Variants in FAM32A observed in about 807,000 individuals in gnomAD.
The protein encoded by FAM32A is family with sequence similarity 32 member A, also known as protein FAM32A.
In FAM32A, 9 loss-of-function variants were observed where a neutral mutation model predicts 15.8. The ratio of observed to expected loss-of-function variants is 0.57; its 90% CI spans 0.34 to 1.00. The LOEUF is 1.00. Among genes scored for constraint, FAM32A ranks in the 50% least tolerant of loss-of-function variants. The probability of loss-of-function intolerance (pLI) is 0.02; values close to 1 mark genes in which losing one functional copy is unlikely to be tolerated. For missense variants in FAM32A, 113 were observed against 138.3 expected (o/e 0.82, Z 0.92); for synonymous variants, 64 against 54.9 (o/e 1.16, Z -0.73).
chr19:16,189,668 C>CTTTTTTTTTTTTTTTTTTTTT lies in FAM32A; in HGVS notation c.217-846_217-826dup, dbSNP rs71178652. On this transcript the variant is annotated intron_variant, in intron 2 of 3. Transcript: ENST00000263384. Reference sequence around the variant, plus strand: ...TGGCTTTATATCCCACACTCCAACTCTTTTTTTTTTTTTTTTTTTTTTTTT... The same window carrying CTTTTTTTTTTTTTTTTTTTTT: ...TGGCTTTATATCCCACACTCCAACTCTTTTTTTTTTTTTTTTTTTTTTTTTTTTTTTTTTTTTTTTTTTTTT... Among the ~76,000 whole-genome samples the CTTTTTTTTTTTTTTTTTTTTT allele has an allele frequency of 1.5e-3, 86 of 58,584 alleles. 14 individuals carry two copies. Among genetic ancestry groups the CTTTTTTTTTTTTTTTTTTTTT allele is most frequent in the East Asian group, 2.7e-3 (4 of 1,478 alleles). The allele number at this position is 58,584 out of a possible 152,430, so 38.4% of individuals were successfully genotyped here. A position where few individuals can be genotyped will look rare whatever the true frequency, so the allele number is the denominator to read the frequency against.
rs867059730 is a variant in FAM32A, at chr19:16,185,488, G to A, written c.46G>A (p.Gly16Ser). ...CCAAAAGGGACCCCTGAAGCTGAAA[G>A]GCGTCGCAGAGCTGGGAGTGACCAA... ...QVQKGPLKLK[G>S]VAELGVTKRK... The change falls in exon 1 of 4, where the codon GGC (glycine) becomes AGC (serine). Residue 16 changes from glycine to serine, a missense_variant. This residue lies in a region of FAM32A where 112 missense variants were observed against 118.6 expected (regional missense o/e 0.94). Transcript: ENST00000263384. The A allele has an allele frequency of 1.0e-5, 16 of 1,564,638 alleles. No homozygotes were observed. Among genetic ancestry groups the A allele is most frequent in the Non-Finnish European group, 1.3e-5 (15 of 1,154,040 alleles).
chr19:16,191,462 C>T lies in FAM32A; in HGVS notation c.*507C>T, dbSNP rs1317873459. 1.3e-5 allele frequency: 2 copies of T among 155,590 alleles called. No individual in the cohort carries two copies. Among genetic ancestry groups the T allele is most frequent in the African/African-American group, 2.4e-5 (1 of 41,484 alleles). The allele number at this position is 155,590 out of a possible 1,614,324, so 9.6% of individuals were successfully genotyped here. A position where few individuals can be genotyped will look rare whatever the true frequency, so the allele number is the denominator to read the frequency against. ...CCTAGGGAAGCCACTTGCAACTATGCGGCCTTCAGACTTCCTCCTCAGCCA... is the reference window on the plus strand; with the variant it reads ...CCTAGGGAAGCCACTTGCAACTATGTGGCCTTCAGACTTCCTCCTCAGCCA... On this transcript the variant is annotated 3_prime_UTR_variant, in exon 4 of 4. Transcript: ENST00000263384.
chr19:16,187,584 G>A (rs1001085087), intron 2 of FAM32A: 1 of 150,962 alleles, frequency 6.6e-6, no homozygotes, highest in Non-Finnish European at 1.5e-5. Context: ...GAGTAGCTGG[G>A]ATTACAGGCG....
intron 2 of FAM32A, among the ~76,000 whole-genome samples, chr19:16,189,826 C>T (rs2145099609): frequency 1.3e-5 from 2 of 151,886 alleles, no homozygotes; most frequent in African/African-American, 4.8e-5. Context: ...CAGGTGTGCA[C>T]CACCAAAATC....
At position 16,185,476 on chromosome 19, in the gene FAM32A, C is replaced by A; in HGVS notation, c.34C>A (p.Leu12Met). 1 of 1,563,478 alleles carries A rather than the reference C, an allele frequency of 6.4e-7. No homozygotes were observed. Among genetic ancestry groups the A allele is most frequent in the Admixed American group, 1.9e-5 (1 of 52,374 alleles). Residue 12 changes from leucine (L) to methionine (M), a missense_variant, in exon 1 of 4, where the codon CTG becomes ATG. Physicochemically the swap from Leu to Met is conservative, Grantham distance 15. Transcript: ENST00000263384. ...EAYEQVQKGPLKLKGVAELGV... is the reference protein window; with the variant it reads ...EAYEQVQKGPMKLKGVAELGV... ...CTACGAGCAGGTCCAAAAGGGACCC[C>A]TGAAGCTGAAAGGCGTCGCAGAGCT...
intron 2 of FAM32A, among the ~76,000 whole-genome samples, chr19:16,190,101 C>T (rs894270572): frequency 6.6e-6 from 1 of 152,078 alleles, no homozygotes; most frequent in Non-Finnish European, 1.5e-5. Flanking sequence ...GGTCTTGTAG[C>T]CCTAACATCA....
At chr19:16,189,326 C>CA (rs1343481824) in intron 2 of FAM32A, 2 of 152,258 alleles carry the variant, frequency 1.3e-5, no homozygotes, top group Non-Finnish European at 2.9e-5. Flanking sequence ...CCCCACCTCT[C>CA]AGTGCTTCTT....
intron 2 of FAM32A, among the ~76,000 whole-genome samples, chr19:16,187,909 C>T (rs2091392048): frequency 6.6e-6 from 1 of 151,876 alleles, no homozygotes; most frequent in Non-Finnish European, 1.5e-5. Context: ...CCATGCCCAG[C>T]TAATTTTTGT....
chr19:16,186,293 A>G (rs2091385737), intron 2 of FAM32A: 1 of 153,356 alleles, frequency 6.5e-6, no homozygotes. Flanking sequence ...GGCAGATTCA[A>G]ACATGCTGTA....
At chr19:16,185,867 AGAG>A (rs2091384010) in intron 2 of FAM32A, 102 bp downstream of exon 2, 3 of 1,294,976 alleles carry the variant, frequency 2.3e-6, no homozygotes, top group East Asian at 2.5e-5. Context: ...GGGAGCGGTC[AGAG>A]GAGACCTTAA....
At chr19:16,187,622 T>G (rs2091390968) in intron 2 of FAM32A, 1 of 149,170 alleles carries the variant, frequency 6.7e-6, no homozygotes, top group African/African-American at 2.5e-5. Context: ...CTAATTTTTT[T>G]GTATTTTTAG....
chr19:16,185,514 G>A lies in FAM32A; in HGVS notation c.72G>A (p.Lys24=). ...GCGTCGCAGAGCTGGGAGTGACCAA[G>A]CGGTGAGGCCCGAGGGCCCGCGGGA... ...LKGVAELGVT[K]RKKKKKDKDK... The change falls in exon 1 of 4, where the codon AAG becomes AAA. Residue 24 remains lysine, a splice_region_variant and synonymous_variant. Coordinates refer to ENST00000263384, the MANE Select transcript of FAM32A (RefSeq NM_014077.4). The A allele has an allele frequency of 6.4e-7, 1 of 1,566,366 alleles. No individual in the cohort carries two copies. Among genetic ancestry groups the A allele is most frequent in the Non-Finnish European group, 8.7e-7 (1 of 1,154,760 alleles).
intron 2 of FAM32A, among the ~76,000 whole-genome samples, chr19:16,188,123 G>C (rs1194535722): frequency 6.6e-6 from 1 of 152,218 alleles, no homozygotes; most frequent in African/African-American, 2.4e-5. Flanking sequence ...CTGGAAGCCA[G>C]AATGAGACTT....
intron 3 of FAM32A, 113 bp downstream of exon 3, chr19:16,190,686 C>T: frequency 1.1e-6 from 1 of 929,944 alleles, no homozygotes. Flanking sequence ...GGGAAGTTTA[C>T]CTAATAGAAG....
At chr19:16,189,115 C>T (rs370150839) in intron 2 of FAM32A, among the ~76,000 whole-genome samples, 2 of 150,974 alleles carry the variant, frequency 1.3e-5, no homozygotes, top group Admixed American at 1.3e-4. Context: ...CTCCACCTCC[C>T]GGGTTCAAGC....
At chr19:16,189,024 T>C (rs1168808169) in intron 2 of FAM32A, among the ~76,000 whole-genome samples, 3 of 142,570 alleles carry the variant, frequency 2.1e-5, no homozygotes, top group Non-Finnish European at 3.1e-5. Flanking sequence ...TGCTTCTTTT[T>C]TTTTTTTTTT....
At position 16,185,471 on chromosome 19, in the gene FAM32A, G is replaced by T; in HGVS notation, c.29G>T (p.Gly10Val). 3 of 1,562,456 alleles carry T rather than the reference G, an allele frequency of 1.9e-6. No homozygotes were observed. The highest frequency in any genetic ancestry group is 2.6e-6 in the Non-Finnish European group (3 of 1,152,908). The change falls in exon 1 of 4, where the codon GGA becomes GTA. Residue 10 changes from glycine (G) to valine (V), a missense_variant. Gly to Val is a moderately radical substitution (Grantham distance 109, BLOSUM62 -3). Coordinates refer to ENST00000263384, the MANE Select transcript of FAM32A (RefSeq NM_014077.4). ...GAGGCCTACGAGCAGGTCCAAAAGG[G>T]ACCCCTGAAGCTGAAAGGCGTCGCA... MEAYEQVQK[G>V]PLKLKGVAEL...
chr19:16,190,431 C>A, intron 2 of FAM32A, 89 bp from the exon 3 acceptor site: 1 of 855,676 alleles, frequency 1.2e-6, no homozygotes, highest in Non-Finnish European at 1.9e-6. Flanking sequence ...AATGTGAGAG[C>A]CAGTCTGGCC....
At chr19:16,186,850 G>A (rs2091387913) in intron 2 of FAM32A, 1 of 152,124 alleles carries the variant, frequency 6.6e-6, no homozygotes. Context: ...GTTGGGGTGG[G>A]GACTACTGGC....
Sources: gnomAD v4.1 joint callset for allele counts (sites outside exome capture counted in the v4.1 genomes callset) on GRCh38, gnomAD v4.1.1 for gene constraint, gnomAD v4.1.1 regional missense constraint, MANE v1.5 for transcripts, NCBI Gene and HGNC (gene_info 2026-07-23, HGNC 2026-07-21) for gene names.